C1orf116: variants seen among roughly 807,000 people sequenced by gnomAD.
C1orf116 encodes the protein chromosome 1 open reading frame 116.
A neutral mutation model predicts 14.1 loss-of-function variants in C1orf116; 12 were observed. The observed-to-expected ratio is 0.85, with a 90% CI of 0.54 to 1.38. The LOEUF is 1.38. C1orf116 is among the 40% of genes most tolerant of loss of function. The pLI is 0.00. For missense variants in C1orf116, 797 were observed against 747.0 expected (o/e 1.07, Z -0.78); for synonymous variants, 296 against 299.0 (o/e 0.99, Z 0.10).
In C1orf116 at chr1:207,023,340, T is replaced by C; in HGVS notation, c.424A>G (p.Arg142Gly). The change falls in exon 4 of 4, where the codon AGA becomes GGA. Residue 142 changes from arginine to glycine, a missense_variant. Coordinates refer to ENST00000359470, the MANE Select transcript of C1orf116 (RefSeq NM_023938.6). The part of the protein sequence containing the change: ...YSLPRNIHIA[R>G]SQNFRKSTTQ... ...GTGCTTTTCCTGAAGTTCTGGCTTC[T>C]GGCAATGTGGATATTCCTAGGGAGG... 1 of 1,614,174 alleles carries C rather than the reference T, an allele frequency of 6.2e-7. No homozygotes were observed. Among genetic ancestry groups the C allele is most frequent in the Non-Finnish European group, 8.5e-7 (1 of 1,180,002 alleles).
chr1:207,023,868 G>C (rs1163238411), intron 3 of C1orf116, among the ~76,000 whole-genome samples: 1 of 152,166 alleles, frequency 6.6e-6, no homozygotes, highest in Non-Finnish European at 1.5e-5. Flanking sequence ...ATGATGGGCG[G>C]CAAGAGAGTG....
rs969050374 is a variant in C1orf116, at chr1:207,023,314, G to C, written c.450C>G (p.Thr150=). The change falls in exon 4 of 4, where the codon ACC becomes ACG. Residue 150 remains threonine (T), a synonymous_variant. Coordinates refer to ENST00000359470, the MANE Select transcript of C1orf116 (RefSeq NM_023938.6). ...CAGGGTTGTGACTGCTAGCCTGGGT[G>C]GTGCTTTTCCTGAAGTTCTGGCTTC... ...IARSQNFRKS[T]TQASSHNPGE... is the part of the protein sequence containing the mutation. 6 of 1,614,204 alleles carry C rather than the reference G, an allele frequency of 3.7e-6. No homozygotes were observed. Among genetic ancestry groups the C allele is most frequent in the Middle Eastern group, 1.6e-4 (1 of 6,062 alleles).
At chr1:207,028,923 A>G (rs1158874735) in intron 1 of C1orf116, among the ~76,000 whole-genome samples, 1 of 152,230 alleles carries the variant, frequency 6.6e-6, no homozygotes, top group African/African-American at 2.4e-5. Flanking sequence ...ATGCCATCCT[A>G]TATTTTCTTT....
At chr1:207,032,048 C>A (rs1682261357) in intron 1 of C1orf116, among the ~76,000 whole-genome samples, 1 of 152,150 alleles carries the variant, frequency 6.6e-6, no homozygotes. Flanking sequence ...ACAGCTCATG[C>A]CTAACACACC....
rs1325468859 is a variant in C1orf116 at position 207,022,362 on chromosome 1, C to T, written c.1402G>A (p.Glu468Lys). The T allele has an allele frequency of 4.3e-6, 7 of 1,613,956 alleles. No homozygotes were observed. In the African/African-American group the frequency reaches 6.7e-5, roughly 15 times the overall value. The change falls in exon 4 of 4, where the codon GAG (glutamate) becomes AAG (lysine). Residue 468 changes from glutamate to lysine, a missense_variant. Physicochemically the swap from Glu to Lys is moderately conservative, Grantham distance 56. Transcript: ENST00000359470. ...TGTCTCAGGCCAGGGGTGTTGCTCT[C>T]CTGGAGAGTCAGCCCTGACTCTGGC... is the stretch of plus-strand genomic sequence containing the variant. ...PKPESGLTLQ[E>K]SNTPGLRQMN...
At chr1:207,027,734 C>A in intron 1 of C1orf116, 55 bp from the exon 2 acceptor site, 1 of 1,460,006 alleles carries the variant, frequency 6.8e-7, no homozygotes, top group Middle Eastern at 2.0e-4. Flanking sequence ...CAAGGCTCTG[C>A]CCAGGCCCTG....
Position 207,032,745 on chromosome 1 carries a change from C to T in C1orf116, c.-248G>A. On this transcript the variant is annotated 5_prime_UTR_variant, in exon 1 of 4. Coordinates refer to ENST00000359470, the MANE Select transcript of C1orf116 (RefSeq NM_023938.6). Reference sequence around the variant, plus strand: ...TGCTTCATCTGTGCTGCCTGGCCCCCACCCTGCCACTGACTCAGCCAATCC... The same window carrying T: ...TGCTTCATCTGTGCTGCCTGGCCCCTACCCTGCCACTGACTCAGCCAATCC... The T allele has an allele frequency of 2.0e-6, 2 of 985,426 alleles. No individual in the cohort carries two copies. The highest frequency in any genetic ancestry group is 6.1e-5 in the Admixed American group (1 of 16,282). 61.0% of individuals were successfully genotyped at this position (985,426 alleles called of 1,614,324 possible).
At chr1:207,025,157 T>TGTGAG (rs1682039989) in intron 2 of C1orf116, 93 bp from the exon 3 acceptor site, 2 of 939,754 alleles carry the variant, frequency 2.1e-6, no homozygotes, top group Non-Finnish European at 3.2e-6. Flanking sequence ...GAGAAAGCGC[T>TGTGAG]CCCTCCGCAG....
chr1:207,024,817 A>G (rs1682020624), intron 3 of C1orf116, 70 bp downstream of exon 3: 2 of 1,555,628 alleles, frequency 1.3e-6, no homozygotes, highest in Non-Finnish European at 1.8e-6. Flanking sequence ...GGCGAGGTAG[A>G]AAGTGGCCGG....
chr1:207,029,713 G>C (rs926272007), intron 1 of C1orf116, among the ~76,000 whole-genome samples: 1 of 152,112 alleles, frequency 6.6e-6, no homozygotes, highest in Non-Finnish European at 1.5e-5. Context: ...GTGAAATTTG[G>C]GCAATGTTTT....
Position 207,025,011 on chromosome 1 carries a change from G to A in C1orf116, c.159C>T (p.Phe53=), listed in dbSNP as rs1770379. The change falls in exon 3 of 4, where the codon TTC becomes TTT. Residue 53 remains phenylalanine, a synonymous_variant. Coordinates refer to ENST00000359470, the MANE Select transcript of C1orf116 (RefSeq NM_023938.6). ...CCAGTGAGCCAATGGTCTCCTCCAG[G>A]AAGAGCAGACACTCCTTCTCTTCAG... ...LSTEEKECLL[F]LEETIGSLDT... 3 of 1,532,326 alleles carry A rather than the reference G, an allele frequency of 2.0e-6. No individual in the cohort carries two copies. The highest frequency in any genetic ancestry group is 2.8e-5 in the African/African-American group (2 of 70,844). 94.9% of individuals were successfully genotyped at this position (1,532,326 alleles called of 1,614,324 possible).
rs750309177 is a variant in C1orf116, at chr1:207,022,469, G to A, written c.1295C>T (p.Pro432Leu). 11 of 1,613,164 alleles carry A rather than the reference G, an allele frequency of 6.8e-6. No individual in the cohort carries two copies. The highest frequency in any genetic ancestry group is 2.7e-5 in the African/African-American group (2 of 74,916). ...AGATTTGCTAGCTGCAACATTGCCT[G>A]GAGCTGGAGACTTCATTGGCAAAGG... ...QGPLPMKSPAPGNVAASKSMP... is the reference protein window; with the variant it reads ...QGPLPMKSPALGNVAASKSMP... Residue 432 changes from proline (P) to leucine (L), a missense_variant, in exon 4 of 4, where the codon CCA becomes CTA. Physicochemically the swap from Pro to Leu is moderately conservative, Grantham distance 98. Coordinates refer to ENST00000359470, the MANE Select transcript of C1orf116 (RefSeq NM_023938.6).
intron 1 of C1orf116, among the ~76,000 whole-genome samples, chr1:207,030,347 C>T (rs550329241): frequency 2.0e-5 from 3 of 152,242 alleles, no homozygotes; most frequent in Non-Finnish European, 2.9e-5. Context: ...GGCATGCCCC[C>T]GAGAATGGTT....
chr1:207,024,380 T>C (rs989181973), intron 3 of C1orf116, among the ~76,000 whole-genome samples: 1 of 152,244 alleles, frequency 6.6e-6, no homozygotes, highest in African/African-American at 2.4e-5. Context: ...ACTTGTGTGT[T>C]GTTTTGTTCC....
chr1:207,023,267 G>A lies in C1orf116; in HGVS notation c.497C>T (p.Pro166Leu), dbSNP rs1462373105. 2.1e-5 allele frequency: 34 copies of A among 1,613,770 alleles called. No homozygotes were observed. The highest frequency in any genetic ancestry group is 2.7e-5 in the Non-Finnish European group (32 of 1,179,840). The change falls in exon 4 of 4, where the codon CCA becomes CTA. Residue 166 changes from proline (P) to leucine (L), a missense_variant. Coordinates refer to ENST00000359470, the MANE Select transcript of C1orf116 (RefSeq NM_023938.6). ...HNPGEPGRLA[P>L]EPEKEQVSQS... ...GCTGACCTGTTCTTTCTCAGGCTCT[G>A]GCGCAAGCCTCCCCGGTTCTCCAGG...
At chr1:207,025,449 A>G (rs1017900729) in intron 2 of C1orf116, among the ~76,000 whole-genome samples, 5 of 152,242 alleles carry the variant, frequency 3.3e-5, no homozygotes, top group Non-Finnish European at 7.3e-5. Flanking sequence ...TTTGTCAAAC[A>G]TCTCACTTTG....
rs1417886178 is a variant in C1orf116 at position 207,024,880 on chromosome 1, G to T, written c.283+7C>A. 31 of 1,609,600 alleles carry T rather than the reference G, an allele frequency of 1.9e-5. No homozygotes were observed. The highest frequency in any genetic ancestry group is 4.0e-5 in the African/African-American group (3 of 74,812). Reference sequence around the variant, plus strand: ...GCTGGGGTTCCACCCCAGAGGGTCTGCCTTACCCCGGGGAGTGGGTTGGGT... The same window carrying T: ...GCTGGGGTTCCACCCCAGAGGGTCTTCCTTACCCCGGGGAGTGGGTTGGGT... On this transcript the variant is annotated splice_region_variant and intron_variant, in intron 3 of 3. Transcript: ENST00000359470.
chr1:207,025,001 TCTC>T lies in C1orf116; in HGVS notation c.166_168del (p.Glu56del). ...GCCTCCGTGTCCAGTGAGCCAATGGTCTCCTCCAGGAAGAGCAGACACTCCTTC... is the reference window on the plus strand; with the variant it reads ...GCCTCCGTGTCCAGTGAGCCAATGGTCTCCAGGAAGAGCAGACACTCCTTC... On this transcript the variant is annotated inframe_deletion, in exon 3 of 4. Transcript: ENST00000359470. The T allele has an allele frequency of 6.2e-7, 1 of 1,605,278 alleles. No homozygotes were observed. The highest frequency in any genetic ancestry group is 8.5e-7 in the Non-Finnish European group (1 of 1,175,808).
Position 207,022,626 on chromosome 1 carries a change from G to A in C1orf116, c.1138C>T (p.Arg380Trp), listed in dbSNP as rs531699068. 1.2e-5 allele frequency: 19 copies of A among 1,614,094 alleles called. No homozygotes were observed. The East Asian group carries it at 1.6e-4, about 13-fold the overall frequency. The stretch of plus-strand genomic sequence containing the variant: ...GGAGCTGGGGACAGATGCTGGGCCC[G>A]TGTCTCCTTGGGTCTGATGGAGCTG... Reference protein sequence around the residue: ...PTSSIRPKETRAQHLSPAPGL... With the variant: ...PTSSIRPKETWAQHLSPAPGL... The change falls in exon 4 of 4, where the codon CGG becomes TGG. Residue 380 changes from arginine to tryptophan, a missense_variant. Coordinates refer to ENST00000359470, the MANE Select transcript of C1orf116 (RefSeq NM_023938.6).
Sources: allele counts gnomAD v4.1 joint callset (sites outside exome capture counted in the v4.1 genomes callset), GRCh38; gene constraint gnomAD v4.1.1; transcripts MANE v1.5; gene names NCBI Gene and HGNC (gene_info 2026-07-23, HGNC 2026-07-21).